Variants in GRK1 observed in about 807,000 individuals in gnomAD.
GRK1 encodes rhodopsin kinase GRK1.
GRK1 carries 28 observed loss-of-function variants against 41.7 expected under a neutral mutation model. That is an observed-to-expected ratio of 0.67 (90% confidence interval 0.50 to 0.92). The LOEUF is 0.92. Ranked by LOEUF, GRK1 falls within the 40% of genes least tolerant of loss-of-function variation. The probability of loss-of-function intolerance (pLI) is 0.00; values close to 1 mark genes in which losing one functional copy is unlikely to be tolerated. For missense variants in GRK1, 703 were observed against 671.2 expected, an observed-to-expected ratio of 1.05 and a Z score of -0.52; for synonymous variants, 327 against 286.7, an observed-to-expected ratio of 1.14 and a Z score of -1.42.
chr13:113,664,033 G>A (rs998738818), upstream of GRK1, among the ~76,000 whole-genome samples: 3 of 152,188 alleles, frequency 2.0e-5, no homozygotes, highest in Non-Finnish European at 4.4e-5. The surrounding 1 kb of genome is among the most constrained non-coding windows in gnomAD (Gnocchi z 5.4). Flanking sequence ...TCCTTCAACC[G>A]GTGAACGGCG....
chr13:113,724,406 G>C (rs1247267678), intron 4 of GRK1, among the ~76,000 whole-genome samples: 1 of 152,236 alleles, frequency 6.6e-6, no homozygotes, highest in East Asian at 1.9e-4. Flanking sequence ...TGTTTTGGCT[G>C]TGGGGAGGCA....
chr13:113,649,226 T>G, the GRK1 span: 11 of 861,550 alleles, frequency 1.3e-5, no homozygotes, highest in African/African-American at 3.5e-5. The surrounding 1 kb of genome is among the most constrained non-coding windows in gnomAD (Gnocchi z 4.7). Flanking sequence ...ATGTGGGCGC[T>G]TCTCTGGAGT....
the GRK1 span, chr13:113,651,818 GCC>G: frequency 6.8e-7 from 1 of 1,472,616 alleles, no homozygotes. Context: ...GATCTGGCCG[GCC>G]CCAGCCTGGG....
chr13:113,727,914 C>T (rs1433976160), intron 4 of GRK1, among the ~76,000 whole-genome samples: 1 of 90,300 alleles, frequency 1.1e-5, no homozygotes, highest in African/African-American at 4.2e-5. Context: ...ATGAGGAGTA[C>T]CCATGGCGAT....
the GRK1 span, among the ~76,000 whole-genome samples, chr13:113,653,652 C>T: frequency 1.2e-4 from 19 of 152,192 alleles, no homozygotes; most frequent in Non-Finnish European, 2.4e-4. Context: ...TGGAACCTGG[C>T]TGGCTGCCAT....
intron 3 of GRK1, among the ~76,000 whole-genome samples, chr13:113,672,334 G>A (rs1013586667): frequency 5.4e-5 from 4 of 74,120 alleles, no homozygotes; most frequent in Non-Finnish European, 1.1e-4. Context: ...GTATGTGTAT[G>A]TGTGGTGTGT....
rs752653013 is a variant in GRK1, at chr13:113,669,800, C to A, written c.813C>A (p.Asn271Lys). 8.7e-6 allele frequency: 14 copies of A among 1,613,778 alleles called. 1 individual carries two copies. Among genetic ancestry groups the A allele is most frequent in the South Asian group, 6.6e-5 (6 of 91,084 alleles). ...TCTGTCTGGTGATGACCATCATGAA[C>A]GGAGGTGACATCAGGTAAGGGCTGG... is the stretch of plus-strand genomic sequence containing the variant. The part of the protein sequence containing the change: ...ADLCLVMTIM[N>K]GGDIRYHIYN... Residue 271 changes from asparagine (N) to lysine (K), a missense_variant, in exon 2 of 7, where the codon AAC becomes AAA. Coordinates refer to ENST00000335678, the MANE Select transcript of GRK1 (RefSeq NM_002929.3).
chr13:113,730,537 C>A lies in GRK1; in HGVS notation c.1070-682C>A, dbSNP rs560047915. 3.7e-4 allele frequency among the ~76,000 whole-genome samples: 56 copies of A among 150,432 alleles called. 1 individual carries two copies. The East Asian group carries it at 5.1e-3, about 14-fold the overall frequency. ...TGAGCCCAGAGCCATCCCCCCATCC[C>A]GTGACAGCCTCTGCGGCTGCGCCCA... is the stretch of plus-strand genomic sequence containing the variant. On this transcript the variant is annotated intron_variant, in intron 4 of 6. Transcript: ENST00000335678.
At chr13:113,656,481 G>A in the GRK1 span, among the ~76,000 whole-genome samples, 2 of 152,166 alleles carry the variant, frequency 1.3e-5, no homozygotes, top group East Asian at 1.9e-4. Flanking sequence ...GCCCAGGCTC[G>A]GGAGGGCCAT....
At chr13:113,666,108 G>A (rs2049816618), upstream of GRK1, among the ~76,000 whole-genome samples, 1 of 147,066 alleles carries the variant, frequency 6.8e-6, no homozygotes, top group African/African-American at 2.6e-5. Flanking sequence ...TCTCAGGTGT[G>A]TCTCAGGTGT....
In GRK1 at chr13:113,667,332, C is replaced by G; in HGVS notation, c.-55C>G. 1 of 1,467,756 alleles carries G rather than the reference C, an allele frequency of 6.8e-7. No individual in the cohort carries two copies. The allele number at this position is 1,467,756 out of a possible 1,614,324, so 90.9% of individuals were successfully genotyped here. ...GGCCTGCTCTGTCTGTGAACGCTCC[C>G]GGCTTGGCCTCGGCTGATGGGCCCT... On this transcript the variant is annotated 5_prime_UTR_variant, in exon 1 of 7. Coordinates refer to ENST00000335678, the MANE Select transcript of GRK1 (RefSeq NM_002929.3). The surrounding 1 kb of genome is among the most constrained non-coding windows in gnomAD (Gnocchi z 7.5).
At chr13:113,662,964 G>A (rs1461915614), upstream of GRK1, among the ~76,000 whole-genome samples, 2 of 152,104 alleles carry the variant, frequency 1.3e-5, no homozygotes, top group Non-Finnish European at 2.9e-5. Context: ...ATATAGAAAA[G>A]CAAAGGAACT....
the GRK1 span, chr13:113,649,654 G>A: frequency 8.6e-7 from 1 of 1,164,298 alleles, no homozygotes; most frequent in East Asian, 2.9e-5. The surrounding 1 kb of genome is among the most constrained non-coding windows in gnomAD (Gnocchi z 4.7). Flanking sequence ...TTTTGTGTAA[G>A]ACTGGCCCTG....
At chr13:113,652,814 G>T in the GRK1 span, 1 of 1,579,674 alleles carries the variant, frequency 6.3e-7, no homozygotes, top group East Asian at 2.3e-5. Flanking sequence ...GGTGGGTGTG[G>T]GTGAGAGGCC....
chr13:113,649,217 T>C, the GRK1 span: 1 of 721,082 alleles, frequency 1.4e-6, no homozygotes, highest in South Asian at 2.2e-5. The surrounding 1 kb of genome is among the most constrained non-coding windows in gnomAD (Gnocchi z 4.7). Context: ...GTCCTTCAGA[T>C]GTGGGCGCTT....
chr13:113,728,984 C>T (rs181893794), intron 4 of GRK1, among the ~76,000 whole-genome samples: 1 of 152,276 alleles, frequency 6.6e-6, no homozygotes, highest in East Asian at 1.9e-4. Flanking sequence ...GAGGCTGCAG[C>T]CCACACTGGA....
At chr13:113,657,318 G>C in the GRK1 span, among the ~76,000 whole-genome samples, 1 of 152,230 alleles carries the variant, frequency 6.6e-6, no homozygotes, top group Non-Finnish European at 1.5e-5. Context: ...GGGGTCGCAG[G>C]GGGAGGTGGG....
the GRK1 span, chr13:113,652,830 T>G: frequency 2.5e-6 from 4 of 1,604,840 alleles, no homozygotes; most frequent in Non-Finnish European, 3.4e-6. Flanking sequence ...AGGCCCTGAC[T>G]GCACTGTTGT....
chr13:113,735,249 C>T lies in GRK1; in HGVS notation c.1578C>T (p.Gly526=). 2.0e-6 allele frequency: 3 copies of T among 1,537,132 alleles called. No homozygotes were observed. The highest frequency in any genetic ancestry group is 2.6e-6 in the Non-Finnish European group (3 of 1,146,884). The change falls in exon 7 of 7, where the codon GGC becomes GGT. Residue 526 remains glycine, a synonymous_variant. Coordinates refer to ENST00000335678, the MANE Select transcript of GRK1 (RefSeq NM_002929.3). ...GGCAGGAGGAGATGATCGAGACGGG[C>T]ATCTTTGGCGAGCTGAACGTGTGGC... ...IPWQEEMIET[G]IFGELNVWRS...
Sources: allele counts gnomAD v4.1 joint callset (sites outside exome capture counted in the v4.1 genomes callset), GRCh38; gene constraint gnomAD v4.1.1; non-coding constraint Gnocchi (gnomAD v3.1); transcripts MANE v1.5; gene names NCBI Gene and HGNC (gene_info 2026-07-23, HGNC 2026-07-21).